Variants in RAPGEF4 observed in about 807,000 individuals in gnomAD.
RAPGEF4 encodes the protein RAP guanine-nucleotide-exchange factor (GEF) 4.
RAPGEF4 carries 66 observed loss-of-function variants against 147.9 expected under a neutral mutation model. The observed-to-expected ratio is 0.45, with a 90% CI of 0.37 to 0.55. The LOEUF (loss-of-function observed/expected upper bound fraction) is 0.55, where lower values mean the gene tolerates loss of function less well. Ranked by LOEUF, RAPGEF4 falls within the 20% of genes least tolerant of loss-of-function variation. The pLI, the probability that RAPGEF4 is intolerant of heterozygous loss-of-function variation, is 0.00. For missense variants in RAPGEF4, 1,071 were observed against 1,257.3 expected (o/e 0.85, Z 2.24); for synonymous variants, 419 against 442.7 (o/e 0.95, Z 0.67).
intron 1 of RAPGEF4, among the ~76,000 whole-genome samples, chr2:172,769,837 A>G (rs1237163992): frequency 6.6e-6 from 1 of 152,194 alleles, no homozygotes; most frequent in Non-Finnish European, 1.5e-5. Context: ...ACTGAAATTC[A>G]TTTATCTGAA....
chr2:172,857,875 C>A (rs909953927), intron 4 of RAPGEF4, among the ~76,000 whole-genome samples: 2 of 101,070 alleles, frequency 2.0e-5, no homozygotes, highest in Non-Finnish European at 1.9e-5. Flanking sequence ...GAGCAAGACC[C>A]TGTCTCAAAA....
At chr2:173,011,510 A>T (rs1004726563) in intron 17 of RAPGEF4, among the ~76,000 whole-genome samples, 15 of 152,176 alleles carry the variant, frequency 9.9e-5, no homozygotes, top group Non-Finnish European at 2.2e-4. Context: ...GTAAAGCTCT[A>T]TACACATGTT....
At chr2:172,756,198 A>G (rs1695760643) in intron 1 of RAPGEF4, among the ~76,000 whole-genome samples, 1 of 152,238 alleles carries the variant, frequency 6.6e-6, no homozygotes, top group Non-Finnish European at 1.5e-5. Context: ...CAGTAAAGTT[A>G]GCCAGTCCAG....
intron 3 of RAPGEF4, among the ~76,000 whole-genome samples, chr2:172,810,960 A>G (rs1687966185): frequency 6.6e-6 from 1 of 152,216 alleles, no homozygotes. Context: ...CTTGGGAAAT[A>G]TGATAACAGA....
intron 4 of RAPGEF4, among the ~76,000 whole-genome samples, chr2:172,865,753 C>T (rs72908223): frequency 2.4e-3 from 360 of 152,164 alleles, no homozygotes; most frequent in Non-Finnish European, 3.7e-3. Flanking sequence ...TCCATCAGGA[C>T]GAGTCATAGA....
chr2:172,924,701 T>C (rs2150063104), intron 6 of RAPGEF4, among the ~76,000 whole-genome samples: 1 of 152,334 alleles, frequency 6.6e-6, no homozygotes, highest in Non-Finnish European at 1.5e-5. Flanking sequence ...GTGGTGTTAA[T>C]TGAAAATGTT....
chr2:173,012,227 G>T (rs1695096101), intron 17 of RAPGEF4, among the ~76,000 whole-genome samples: 1 of 152,188 alleles, frequency 6.6e-6, no homozygotes. Flanking sequence ...GGTACCCGGT[G>T]AGGAACACGC....
At chr2:172,816,840 T>C (rs1688562186) in intron 4 of RAPGEF4, among the ~76,000 whole-genome samples, 1 of 152,170 alleles carries the variant, frequency 6.6e-6, no homozygotes, top group South Asian at 2.1e-4. Flanking sequence ...AATCTCATAG[T>C]GAGTAAGAGA....
At chr2:173,013,120 T>C (rs1170645500) in intron 17 of RAPGEF4, among the ~76,000 whole-genome samples, 1 of 152,244 alleles carries the variant, frequency 6.6e-6, no homozygotes, top group Non-Finnish European at 1.5e-5. Flanking sequence ...ACCTTTGCCT[T>C]AAAGTTCTGT....
At chr2:172,900,808 TTA>T (rs1559107816) in intron 4 of RAPGEF4, among the ~76,000 whole-genome samples, 1 of 152,194 alleles carries the variant, frequency 6.6e-6, no homozygotes, top group Non-Finnish European at 1.5e-5. Context: ...CTGGTTCCTT[TTA>T]ACACTAATAA....
At chr2:172,769,007 C>T (rs955160343) in intron 1 of RAPGEF4, among the ~76,000 whole-genome samples, 1 of 152,142 alleles carries the variant, frequency 6.6e-6, no homozygotes, top group South Asian at 2.1e-4. Flanking sequence ...GGGGCAAGGA[C>T]GTGGGATCAC....
chr2:172,935,400 T>G (rs1686453723), intron 6 of RAPGEF4, among the ~76,000 whole-genome samples: 1 of 151,918 alleles, frequency 6.6e-6, no homozygotes, highest in African/African-American at 2.4e-5. Context: ...TCTGAGCCAG[T>G]GTAGGTGGGA....
chr2:173,014,566 G>T lies in RAPGEF4; in HGVS notation c.1761G>T (p.Met587Ile). The T allele has an allele frequency of 6.2e-7, 1 of 1,614,112 alleles. No individual in the cohort carries two copies. The highest frequency in any genetic ancestry group is 8.5e-7 in the Non-Finnish European group (1 of 1,179,972). ...GCCTGGTTCTACAGTGGGCTGCCAT[G>T]TATGGAGACCTCCTGCAAGAGGATG... Reference protein sequence around the residue: ...VIRLVLQWAAMYGDLLQEDDV... With the variant: ...VIRLVLQWAAIYGDLLQEDDV... Residue 587 changes from methionine (M) to isoleucine (I), a missense_variant, in exon 18 of 31, where the codon ATG (methionine) becomes ATT (isoleucine). Met to Ile is a conservative substitution (Grantham distance 10, BLOSUM62 1). Coordinates refer to ENST00000397081, the MANE Select transcript of RAPGEF4 (RefSeq NM_007023.4).
chr2:173,035,038 T>C (rs1575574481), intron 27 of RAPGEF4, among the ~76,000 whole-genome samples: 1 of 151,852 alleles, frequency 6.6e-6, no homozygotes, highest in East Asian at 1.9e-4. Context: ...GCAGTAGAAA[T>C]ATTGAGTATA....
At chr2:173,009,738 T>C (rs1222827990) in intron 17 of RAPGEF4, among the ~76,000 whole-genome samples, 2 of 152,204 alleles carry the variant, frequency 1.3e-5, no homozygotes, top group African/African-American at 2.4e-5. Context: ...GCTTTCCTAA[T>C]TGACAGGTAT....
chr2:172,822,788 C>A (rs1689213705), intron 4 of RAPGEF4, among the ~76,000 whole-genome samples: 1 of 152,234 alleles, frequency 6.6e-6, no homozygotes, highest in African/African-American at 2.4e-5. Flanking sequence ...CCCCCACTCT[C>A]TCCCCTGCAC....
chr2:173,044,761 C>T (rs1193595857), intron 29 of RAPGEF4, among the ~76,000 whole-genome samples: 1 of 152,164 alleles, frequency 6.6e-6, no homozygotes, highest in Admixed American at 6.5e-5. Context: ...AAAGGAGGCG[C>T]TCTAATGTGG....
At chr2:173,003,559 A>G (rs1694153406) in intron 17 of RAPGEF4, among the ~76,000 whole-genome samples, 2 of 152,098 alleles carry the variant, frequency 1.3e-5, no homozygotes, top group South Asian at 4.1e-4. Context: ...GCAGGATTCT[A>G]TTGGGTTAGT....
chr2:173,041,781 C>T (rs1684792445), intron 29 of RAPGEF4, among the ~76,000 whole-genome samples: 1 of 152,192 alleles, frequency 6.6e-6, no homozygotes, highest in Non-Finnish European at 1.5e-5. Context: ...GCCTTCTTCT[C>T]CTTTTGGCCT....
Sources: allele counts gnomAD v4.1 joint callset (sites outside exome capture counted in the v4.1 genomes callset), GRCh38; gene constraint gnomAD v4.1.1; transcripts MANE v1.5; gene names NCBI Gene and HGNC (gene_info 2026-07-23, HGNC 2026-07-21).